Variants in RGS7 observed in about 807,000 individuals in gnomAD.
RGS7 encodes regulator of G-protein signaling 7.
Under a neutral mutation model 81.1 loss-of-function variants are expected in RGS7, and 27 were observed. The observed-to-expected ratio is 0.33, with a 90% CI of 0.25 to 0.46. RGS7 has a LOEUF of 0.46. RGS7 is among the 20% of genes least tolerant of loss of function. The pLI is 1.00. For missense variants in RGS7, 396 were observed against 607.4 expected (o/e 0.65, Z 3.66); for synonymous variants, 208 against 207.7 (o/e 1.00, Z -0.01).
At chr1:240,994,179 C>T (rs995384859) in intron 3 of RGS7, among the ~76,000 whole-genome samples, 3 of 152,112 alleles carry the variant, frequency 2.0e-5, no homozygotes, top group African/African-American at 7.2e-5. Flanking sequence ...ATTTGCTTTA[C>T]CTATAAATCT....
In RGS7 at chr1:241,098,218, G is replaced by A. The variant is rs190252805; in HGVS notation, c.175+448C>T. 1.9e-3 allele frequency among the ~76,000 whole-genome samples: 284 copies of A among 152,296 alleles called. 1 individual carries two copies. The highest frequency in any genetic ancestry group is 6.5e-3 in the African/African-American group (272 of 41,562). ...TACAGTTTGGTCACTGTCGAGTTCGGTGAGCACAGTTGGTGGTGACAGCGG... is the reference window on the plus strand; with the variant it reads ...TACAGTTTGGTCACTGTCGAGTTCGATGAGCACAGTTGGTGGTGACAGCGG... On this transcript the variant is annotated intron_variant, in intron 3 of 18. Coordinates refer to ENST00000440928, the MANE Select transcript of RGS7 (RefSeq NM_001364886.1).
rs904665619 is a variant in RGS7, at chr1:240,854,901, G to A, written c.609+13686C>T. Reference sequence around the variant, plus strand: ...CCCCTAAGTATGCAGTGCTTGGGATGGGATACCATACACTCTGTGTGTTCT... The same window carrying A: ...CCCCTAAGTATGCAGTGCTTGGGATAGGATACCATACACTCTGTGTGTTCT... On this transcript the variant is annotated intron_variant, in intron 9 of 18. Coordinates refer to ENST00000440928, the MANE Select transcript of RGS7 (RefSeq NM_001364886.1). Among the ~76,000 whole-genome samples the A allele has an allele frequency of 1.7e-4, 26 of 152,138 alleles. 1 individual carries two copies. The highest frequency in any genetic ancestry group is 6.3e-4 in the African/African-American group (26 of 41,430).
intron 3 of RGS7, among the ~76,000 whole-genome samples, chr1:241,036,777 G>A (rs1429949323): frequency 2.0e-5 from 3 of 152,158 alleles, no homozygotes. Context: ...AGCTTGCCGT[G>A]CAGTTAGATG....
Position 241,144,970 on chromosome 1 carries a change from T to TGTGTGTGTGTG in RGS7, c.79-46209_79-46208insCACACACACAC, listed in dbSNP as rs2068206978. 6.6e-6 allele frequency among the ~76,000 whole-genome samples: 1 copy of TGTGTGTGTGTG among 151,352 alleles called. No individual in the cohort carries two copies. Among genetic ancestry groups the TGTGTGTGTGTG allele is most frequent in the African/African-American group, 2.4e-5 (1 of 41,146 alleles). ...GTGTGTGTGTGTGTGTGTGTTCGTG[T>TGTGTGTGTGTG]TCATTCTTCCTGTTCCTGTTTTCCC... On this transcript the variant is annotated intron_variant, in intron 2 of 18. Coordinates refer to ENST00000440928, the MANE Select transcript of RGS7 (RefSeq NM_001364886.1). The surrounding 1 kb of genome is among the most constrained non-coding windows in gnomAD (Gnocchi z 4.7).
intron 10 of RGS7, among the ~76,000 whole-genome samples, chr1:240,819,814 C>A (rs1691465734): frequency 6.6e-6 from 1 of 152,192 alleles, no homozygotes; most frequent in South Asian, 2.1e-4. Flanking sequence ...TTGCTTAAAA[C>A]ATCTTCCAGG....
intron 6 of RGS7, among the ~76,000 whole-genome samples, chr1:240,876,472 C>T (rs1665436012): frequency 6.6e-6 from 1 of 152,196 alleles, no homozygotes; most frequent in African/African-American, 2.4e-5. Flanking sequence ...TCTTGACCCA[C>T]TTAACACTTT....
At chr1:240,925,558 C>T (rs1343647617) in intron 6 of RGS7, among the ~76,000 whole-genome samples, 8 of 152,106 alleles carry the variant, frequency 5.3e-5, no homozygotes, top group East Asian at 3.9e-4. Context: ...TTCATGTCTT[C>T]GCTGTTGTGA....
chr1:241,244,581 T>C (rs2148163404), intron 2 of RGS7, among the ~76,000 whole-genome samples: 1 of 152,242 alleles, frequency 6.6e-6, no homozygotes, highest in South Asian at 2.1e-4. Flanking sequence ...AGAAATACCA[T>C]TTGACCCAGA....
intron 3 of RGS7, among the ~76,000 whole-genome samples, chr1:241,085,926 G>A (rs2063409910): frequency 6.6e-6 from 1 of 152,170 alleles, no homozygotes; most frequent in African/African-American, 2.4e-5. Flanking sequence ...CGGTCTTTAT[G>A]GTTCCCCAGA....
chr1:241,132,433 CT>C (rs2067168184), intron 2 of RGS7: 1 of 153,864 alleles, frequency 6.5e-6, no homozygotes, highest in South Asian at 2.0e-4. Context: ...GACAGGACCC[CT>C]GTCCCCATGC....
In RGS7 at chr1:240,857,972, T is replaced by C. The variant is rs184305019; in HGVS notation, c.609+10615A>G. Among the ~76,000 whole-genome samples, 34 of 152,328 alleles carry C rather than the reference T, an allele frequency of 2.2e-4. No homozygotes were observed. The East Asian group carries it at 2.5e-3, about 11-fold the overall frequency. Reference sequence around the variant, plus strand: ...ACCACCATGTGAACAAGGACATGTTTGCTTCCCCTTCTGCCATGATTGTAA... The same window carrying C: ...ACCACCATGTGAACAAGGACATGTTCGCTTCCCCTTCTGCCATGATTGTAA... On this transcript the variant is annotated intron_variant, in intron 9 of 18. Transcript: ENST00000440928.
chr1:241,038,282 A>G (rs964900279), intron 3 of RGS7, among the ~76,000 whole-genome samples: 3 of 152,216 alleles, frequency 2.0e-5, no homozygotes, highest in African/African-American at 7.2e-5. Context: ...GTAGGGTTAG[A>G]AAATCCAGAC....
chr1:240,928,325 C>G (rs1674817945), intron 6 of RGS7, among the ~76,000 whole-genome samples: 1 of 152,150 alleles, frequency 6.6e-6, no homozygotes, highest in Non-Finnish European at 1.5e-5. Context: ...TTCTTGGCTC[C>G]TTCTGTATTT....
intron 3 of RGS7, among the ~76,000 whole-genome samples, chr1:241,030,319 G>A (rs1228219274): frequency 7.1e-6 from 1 of 139,904 alleles, no homozygotes; most frequent in African/African-American, 2.6e-5. Flanking sequence ...CACAGGGCTT[G>A]GAATAATGAT....
intron 2 of RGS7, among the ~76,000 whole-genome samples, chr1:241,195,007 AG>A (rs1299177485): frequency 3.9e-5 from 6 of 152,168 alleles, no homozygotes; most frequent in Middle Eastern, 3.2e-3. Flanking sequence ...GTTTAAGAAA[AG>A]TTTTAGGTCA....
At chr1:240,959,451 C>T (rs375858924) in intron 4 of RGS7, among the ~76,000 whole-genome samples, 56 of 152,290 alleles carry the variant, frequency 3.7e-4, no homozygotes, top group African/African-American at 1.3e-3. Flanking sequence ...GCAACTGTAA[C>T]ACAATGGTAT....
At chr1:241,337,411 G>A (rs962403649) in intron 2 of RGS7, among the ~76,000 whole-genome samples, 1 of 152,024 alleles carries the variant, frequency 6.6e-6, no homozygotes, top group African/African-American at 2.4e-5. Context: ...ACACAATTGG[G>A]AAATCAGGGA....
intron 2 of RGS7, among the ~76,000 whole-genome samples, chr1:241,350,115 G>C (rs1480855767): frequency 6.6e-6 from 1 of 152,124 alleles, no homozygotes; most frequent in Non-Finnish European, 1.5e-5. Flanking sequence ...CAACTGGCAA[G>C]GAAAGAGCTC....
At chr1:240,896,832 C>T (rs547707211) in intron 6 of RGS7, among the ~76,000 whole-genome samples, 97 of 152,246 alleles carry the variant, frequency 6.4e-4, no homozygotes, top group African/African-American at 2.2e-3. Context: ...AAGTCATTGG[C>T]AGCTTGATGG....
Sources: allele counts gnomAD v4.1 joint callset (sites outside exome capture counted in the v4.1 genomes callset), GRCh38; gene constraint gnomAD v4.1.1; non-coding constraint Gnocchi (gnomAD v3.1); transcripts MANE v1.5; gene names NCBI Gene and HGNC (gene_info 2026-07-23, HGNC 2026-07-21).